The following KIF24 variants were observed in gnomAD, a reference collection of about 807,000 sequenced individuals.
The protein encoded by KIF24 is kinesin family member 24.
In KIF24, 81 loss-of-function variants were observed where a neutral mutation model predicts 118.9. That is an observed-to-expected ratio of 0.68 (90% CI 0.57 to 0.82). The LOEUF (loss-of-function observed/expected upper bound fraction) is 0.82, where lower values mean the gene tolerates loss of function less well. Ranked by LOEUF, KIF24 falls within the 40% of genes least tolerant of loss-of-function variation. The pLI is 0.00. For synonymous variants in KIF24, 599 were observed against 610.0 expected (o/e 0.98, Z 0.27); for missense variants, 1,560 against 1,661.6 (o/e 0.94, Z 1.06).
intron 1 of KIF24, among the ~76,000 whole-genome samples, chr9:34,327,331 C>A (rs1837701511): frequency 6.6e-6 from 1 of 151,848 alleles, no homozygotes; most frequent in Admixed American, 6.6e-5. Context: ...AGAGTTCAGC[C>A]CCTCACTTTA....
At chr9:34,285,769 C>A (rs1246584171) in intron 6 of KIF24, among the ~76,000 whole-genome samples, 1 of 130,550 alleles carries the variant, frequency 7.7e-6, no homozygotes, top group Non-Finnish European at 1.6e-5. Flanking sequence ...AGTGAGACTC[C>A]ATCTCAAAAA....
intron 3 of KIF24, 23 bp from the exon 4 acceptor site, chr9:34,297,137 T>C (rs747934763): frequency 1.5e-6 from 2 of 1,362,932 alleles, no homozygotes; most frequent in East Asian, 4.9e-5. Context: ...TTTGATTTTA[T>C]GGAAAGAGAC....
chr9:34,300,429 C>T (rs1240517887), intron 3 of KIF24, among the ~76,000 whole-genome samples: 1 of 150,816 alleles, frequency 6.6e-6, no homozygotes, highest in Non-Finnish European at 1.5e-5. Context: ...AGTGCAGTGG[C>T]GTGATCTTGG....
chr9:34,279,906 C>T (rs2131725578), intron 6 of KIF24, among the ~76,000 whole-genome samples: 1 of 152,294 alleles, frequency 6.6e-6, no homozygotes, highest in African/African-American at 2.4e-5. Context: ...ACCATATGTC[C>T]TGCAGACTGA....
chr9:34,310,798 A>G lies in KIF24; in HGVS notation c.549T>C (p.Asp183=). Residue 183 remains aspartate, a synonymous_variant, in exon 2 of 13, where the codon GAT becomes GAC. Transcript: ENST00000402558. ...TTCTTTGAATAATGGGAATATCACA[A>G]TCCCCCAGTATTGCAGAAAGGTAAT... ...SPNYLSAILG[D]CDIPIIQRIS... is the part of the protein sequence containing the mutation. The G allele has an allele frequency of 6.2e-7, 1 of 1,612,390 alleles. No individual in the cohort carries two copies. Among genetic ancestry groups the G allele is most frequent in the Non-Finnish European group, 8.5e-7 (1 of 1,178,432 alleles).
rs754192440 is a variant in KIF24 at position 34,310,877 on chromosome 9, GT to G, written c.469del (p.Thr157GlnfsTer79). The G allele has an allele frequency of 1.9e-5, 31 of 1,613,854 alleles. No individual in the cohort carries two copies. The highest frequency in any genetic ancestry group is 2.6e-5 in the Non-Finnish European group (31 of 1,179,848). ...TGTTTGCACATAGGAATCACCAGCT[GT>G]GGCATTCAGAATTCCTGTTTTTGTA... is the stretch of plus-strand genomic sequence containing the variant. Reference protein sequence around the residue: ...YHTKTGILNATAGDSYVQTEI... With the variant: ...YHTKTGILNAXAGDSYVQTEI... On this transcript the variant is annotated frameshift_variant, in exon 2 of 13. Transcript: ENST00000402558. LOFTEE classifies it high-confidence loss of function.
At position 34,256,947 on chromosome 9, in the gene KIF24, T is replaced by A. The variant is rs141167651; in HGVS notation, c.2660A>T (p.Asp887Val). 47 of 1,613,966 alleles carry A rather than the reference T, an allele frequency of 2.9e-5. No individual in the cohort carries two copies. The African/African-American group carries it at 5.5e-4, about 19-fold the overall frequency. Residue 887 changes from aspartate (D) to valine (V), a missense_variant, in exon 11 of 13, where the codon GAT becomes GTT. Asp to Val is a radical substitution (Grantham distance 152, BLOSUM62 -3). Around this residue, in one of 3 missense-constraint regions of KIF24, gnomAD observed 591 missense variants for 655.6 expected, o/e 0.90. Coordinates refer to ENST00000402558, the MANE Select transcript of KIF24 (RefSeq NM_194313.4). ...FSSPRTGDKK[D>V]LTKSWVDSRD... The stretch of plus-strand genomic sequence containing the variant: ...GGAGTCCACCCAGCTTTTAGTTAGA[T>A]CTTTCTTGTCACCTGTCCTGGGGCT...
Position 34,311,343 on chromosome 9 carries a change from C to G in KIF24, c.4G>C (p.Ala2Pro), listed in dbSNP as rs774621485. ...CAAAGACATTCATATAACCAGGATG[C>G]CATTTTGGTGAATAGGTTTCTATAA... M[A>P]SWLYECLCEA... Residue 2 changes from alanine to proline, a missense_variant, in exon 2 of 13, where the codon GCA becomes CCA. Physicochemically the swap from Ala to Pro is conservative, Grantham distance 27. This residue lies in a region of KIF24 where 964 missense variants were observed against 988.0 expected (regional missense o/e 0.98). Transcript: ENST00000402558. The G allele has an allele frequency of 2.3e-5, 35 of 1,554,278 alleles. No homozygotes were observed. The highest frequency in any genetic ancestry group is 3.0e-5 in the Non-Finnish European group (35 of 1,150,480).
In KIF24 at chr9:34,271,834, C is replaced by G. The variant is rs1468824575; in HGVS notation, c.1312G>C (p.Asp438His). ...CTGCCAAATGTCCTCTTGGCTGAAT[C>G]TTTGATCTGAATTTGGATGACGGCA... is the stretch of plus-strand genomic sequence containing the variant. ...SHAVIQIQIK[D>H]SAKRTFGRIS... The change falls in exon 7 of 13, where the codon GAT becomes CAT. Residue 438 changes from aspartate (D) to histidine (H), a missense_variant. Physicochemically the swap from Asp to His is moderately conservative, Grantham distance 81. Around this residue, in one of 3 missense-constraint regions of KIF24, gnomAD observed 964 missense variants for 988.0 expected, o/e 0.98. Transcript: ENST00000402558. The G allele has an allele frequency of 2.5e-6, 4 of 1,612,868 alleles. No homozygotes were observed. The African/African-American group carries it at 4.0e-5, about 16-fold the overall frequency.
At position 34,263,105 on chromosome 9, in the gene KIF24, G is replaced by A; in HGVS notation, c.1511C>T (p.Thr504Ile). 13 of 1,611,560 alleles carry A rather than the reference G, an allele frequency of 8.1e-6. No homozygotes were observed. The highest frequency in any genetic ancestry group is 1.1e-5 in the Non-Finnish European group (13 of 1,178,100). ...AAGGCTCACATTTAACTTTACCTGAGTTAGTTTGCTTTGCCTGAAGGGAGT... is the reference window on the plus strand; with the variant it reads ...AAGGCTCACATTTAACTTTACCTGAATTAGTTTGCTTTGCCTGAAGGGAGT... ...THTPFRQSKL[T>I]QVLKDSFIGN... is the part of the protein sequence containing the mutation. The change falls in exon 9 of 13, where the codon ACT becomes ATT. Residue 504 changes from threonine (T) to isoleucine (I), a missense_variant. By Grantham distance (89) the Thr-to-Ile change is moderately conservative. This residue lies in a region of KIF24 where 964 missense variants were observed against 988.0 expected (regional missense o/e 0.98). Transcript: ENST00000402558.
At position 34,256,200 on chromosome 9, in the gene KIF24, C is replaced by T. The variant is rs773256630; in HGVS notation, c.3407G>A (p.Arg1136His). Residue 1136 changes from arginine to histidine, a missense_variant, in exon 11 of 13, where the codon CGT (arginine) becomes CAT (histidine). Coordinates refer to ENST00000402558, the MANE Select transcript of KIF24 (RefSeq NM_194313.4). ...DLPALSPSPI[R>H]QHPADKLPSR... ...GGGCAGCTTGTCAGCTGGGTGCTGACGGATGGGTGATGGGGACAGAGCTGG... is the reference window on the plus strand; with the variant it reads ...GGGCAGCTTGTCAGCTGGGTGCTGATGGATGGGTGATGGGGACAGAGCTGG... 107 of 1,601,924 alleles carry T rather than the reference C, an allele frequency of 6.7e-5. No homozygotes were observed. The highest frequency in any genetic ancestry group is 2.5e-4 in the East Asian group (11 of 44,714).
chr9:34,328,518 CT>C lies in KIF24; in HGVS notation c.-26+587del, dbSNP rs902754871. Among the ~76,000 whole-genome samples the C allele has an allele frequency of 3.7e-4, 57 of 152,248 alleles. 1 individual carries two copies. Among genetic ancestry groups the C allele is most frequent in the African/African-American group, 1.2e-3 (50 of 41,560 alleles). ...AGGCCAGCTGTGGACTGTGTGTGGA[CT>C]TTTAGGTCCTTTTGCATTGAAGATT... is the stretch of plus-strand genomic sequence containing the variant. On this transcript the variant is annotated intron_variant, in intron 1 of 12. Transcript: ENST00000402558.
At chr9:34,265,867 AT>A (rs1434669069) in intron 8 of KIF24, among the ~76,000 whole-genome samples, 1 of 152,060 alleles carries the variant, frequency 6.6e-6, no homozygotes, top group Non-Finnish European at 1.5e-5. Flanking sequence ...TTTTTTTAAT[AT>A]TATTATTCAT....
At chr9:34,297,705 T>G (rs575730806) in intron 3 of KIF24, among the ~76,000 whole-genome samples, 2 of 150,142 alleles carry the variant, frequency 1.3e-5, no homozygotes, top group East Asian at 3.9e-4. Flanking sequence ...GAGCTTGCAG[T>G]GAGCCGAGAT....
chr9:34,303,948 A>T (rs1367848580), intron 3 of KIF24, among the ~76,000 whole-genome samples: 4 of 152,184 alleles, frequency 2.6e-5, no homozygotes, highest in Non-Finnish European at 5.9e-5. Context: ...CTTCCATATT[A>T]AACTTGTATT....
intron 1 of KIF24, among the ~76,000 whole-genome samples, chr9:34,321,555 G>A (rs1490391647): frequency 7.1e-5 from 7 of 98,656 alleles, no homozygotes; most frequent in African/African-American, 1.7e-4. Context: ...GTGATCTACC[G>A]ATAGCATTAA....
chr9:34,298,214 T>C (rs1287999228), intron 3 of KIF24, among the ~76,000 whole-genome samples: 1 of 152,028 alleles, frequency 6.6e-6, no homozygotes, highest in African/African-American at 2.4e-5. Context: ...TAGCAAGGAT[T>C]CAATGTGATT....
intron 6 of KIF24, among the ~76,000 whole-genome samples, chr9:34,286,010 C>T (rs1836036891): frequency 6.6e-6 from 1 of 151,602 alleles, no homozygotes; most frequent in Admixed American, 6.6e-5. Context: ...AGCCCACTGC[C>T]ATAGAGAAAC....
chr9:34,263,550 A>G (rs1393641557), intron 8 of KIF24, among the ~76,000 whole-genome samples: 1 of 152,062 alleles, frequency 6.6e-6, no homozygotes, highest in Non-Finnish European at 1.5e-5. Flanking sequence ...TGATGCACTT[A>G]AACAGACAAA....
Sources: gnomAD v4.1 joint callset for allele counts (sites outside exome capture counted in the v4.1 genomes callset) on GRCh38, gnomAD v4.1.1 for gene constraint, gnomAD v4.1.1 regional missense constraint, MANE v1.5 for transcripts, NCBI Gene and HGNC (gene_info 2026-07-23, HGNC 2026-07-21) for gene names.